The following CXXC4 variants were observed in gnomAD, a reference collection of about 807,000 sequenced individuals.
CXXC4 encodes the protein CXXC finger protein 4.
In CXXC4, 5 loss-of-function variants were observed where a neutral mutation model predicts 20.5. That is an observed-to-expected ratio of 0.24 (90% CI 0.13 to 0.51). The LOEUF (loss-of-function observed/expected upper bound fraction) is 0.51. CXXC4 is among the 20% of genes least tolerant of loss of function. The pLI, the probability that CXXC4 is intolerant of heterozygous loss-of-function variation, is 0.97. For missense variants in CXXC4, 419 were observed against 496.4 expected (o/e 0.84, Z 1.48); for synonymous variants, 250 against 216.4 (o/e 1.16, Z -1.36).
rs142783384 is a variant in CXXC4, at chr4:104,471,355, T to C, written c.*967A>G. 1.7e-3 allele frequency: 254 copies of C among 152,012 alleles called. 1 individual carries two copies. In the Middle Eastern group the frequency reaches 0.02, roughly 12 times the overall value. 9.4% of individuals were successfully genotyped at this position (152,012 alleles called of 1,614,324 possible). ...GAAACAATAAAACGTATACAGCCCA[T>C]ATTGGGCTGGGGAAAAAATGTCAGT... On this transcript the variant is annotated 3_prime_UTR_variant, in exon 3 of 3. Transcript: ENST00000394767.
chr4:104,481,625 G>C (rs1178445984), intron 2 of CXXC4, among the ~76,000 whole-genome samples: 2 of 152,014 alleles, frequency 1.3e-5, no homozygotes, highest in Admixed American at 1.3e-4. Context: ...ATTGTAAAAA[G>C]AGCAGGAATA....
At chr4:104,478,330 T>C (rs114418077) in intron 2 of CXXC4, among the ~76,000 whole-genome samples, 157 of 152,246 alleles carry the variant, frequency 1.0e-3, no homozygotes, top group Non-Finnish European at 1.9e-3. Context: ...TTATACATTA[T>C]GTTGTAAAGG....
rs1237303408 is a variant in CXXC4, at chr4:104,475,143, C to T, written c.1060-2777G>A. ...TGCATACATTGAGACCAGTATGCAT[C>T]CCCAGATGTAAGAATATGGACAGTT... On this transcript the variant is annotated intron_variant, in intron 2 of 2. Transcript: ENST00000394767. 10 of 152,164 alleles carry T rather than the reference C, an allele frequency of 6.6e-5. No homozygotes were observed. The South Asian group carries it at 1.0e-3, about 16-fold the overall frequency. 9.4% of individuals were successfully genotyped at this position (152,164 alleles called of 1,614,324 possible).
intron 2 of CXXC4, among the ~76,000 whole-genome samples, chr4:104,485,914 C>T (rs1213947059): frequency 2.0e-5 from 3 of 151,998 alleles, no homozygotes. Flanking sequence ...AGAAATACTT[C>T]AGTAATCAAT....
chr4:104,470,618 C>T lies in CXXC4; in HGVS notation c.*1704G>A, dbSNP rs1004584314. ...AATCTTTACAGCTTCTTTCATTGTACCATACCATTTCTCTTCTCAAATTAT... is the reference window on the plus strand; with the variant it reads ...AATCTTTACAGCTTCTTTCATTGTATCATACCATTTCTCTTCTCAAATTAT... On this transcript the variant is annotated 3_prime_UTR_variant, in exon 3 of 3. Coordinates refer to ENST00000394767, the MANE Select transcript of CXXC4 (RefSeq NM_025212.4). The T allele has an allele frequency of 6.6e-6, 1 of 151,984 alleles. No individual in the cohort carries two copies. The highest frequency in any genetic ancestry group is 2.4e-5 in the African/African-American group (1 of 41,404). The allele number at this position is 151,984 out of a possible 1,614,324, so 9.4% of individuals were successfully genotyped here. A position where few individuals can be genotyped will look rare whatever the true frequency, so the allele number is the denominator to read the frequency against.
chr4:104,469,691 C>T lies in CXXC4; in HGVS notation c.*2631G>A, dbSNP rs920104681. On this transcript the variant is annotated 3_prime_UTR_variant, in exon 3 of 3. Transcript: ENST00000394767. ...CTTTCTTCAACATCACCAATGAGAA[C>T]TTTATATGCATCCTACATTATATAA... is the stretch of plus-strand genomic sequence containing the variant. The T allele has an allele frequency of 6.6e-6, 1 of 151,876 alleles. No homozygotes were observed. Among genetic ancestry groups the T allele is most frequent in the East Asian group, 1.9e-4 (1 of 5,170 alleles). The allele number at this position is 151,876 out of a possible 1,614,324, so 9.4% of individuals were successfully genotyped here. A position where few individuals can be genotyped will look rare whatever the true frequency, so the allele number is the denominator to read the frequency against.
At position 104,491,137 on chromosome 4, in the gene CXXC4, A is replaced by G. The variant is rs775230784; in HGVS notation, c.666T>C (p.Ala222=). The G allele has an allele frequency of 1.2e-6, 2 of 1,613,960 alleles. No individual in the cohort carries two copies. Among genetic ancestry groups the G allele is most frequent in the South Asian group, 1.1e-5 (1 of 91,084 alleles). ...CGGGGAGATTCATTATCTCTGCTTC[A>G]GCAGCGCCGCATTTGAGCTTGTTCA... is the stretch of plus-strand genomic sequence containing the variant. ...ECMNKLKCGA[A]EAEIMNLPER... is the part of the protein sequence containing the mutation. Residue 222 remains alanine (A), a synonymous_variant, in exon 2 of 3, where the codon GCT becomes GCC. Transcript: ENST00000394767.
intron 1 of CXXC4, 39 bp downstream of exon 1, chr4:104,494,662 G>T (rs958356657): frequency 6.9e-6 from 1 of 145,978 alleles, no homozygotes; most frequent in Non-Finnish European, 1.5e-5. Flanking sequence ...AACTGTTGGG[G>T]GGGGGGGGGT....
chr4:104,472,172 C>T lies in CXXC4; in HGVS notation c.*150G>A, dbSNP rs1479582856. 1.4e-5 allele frequency: 5 copies of T among 368,194 alleles called. No individual in the cohort carries two copies. Among genetic ancestry groups the T allele is most frequent in the African/African-American group, 4.6e-5 (2 of 43,386 alleles). 22.8% of individuals were successfully genotyped at this position (368,194 alleles called of 1,614,324 possible). On this transcript the variant is annotated 3_prime_UTR_variant, in exon 3 of 3. Coordinates refer to ENST00000394767, the MANE Select transcript of CXXC4 (RefSeq NM_025212.4). Reference sequence around the variant, plus strand: ...TTATGTCTTTTTCTTTTCTTTTCCTCTTTTTTTTTTTTTTTGAAGAAAGCC... The same window carrying T: ...TTATGTCTTTTTCTTTTCTTTTCCTTTTTTTTTTTTTTTTTGAAGAAAGCC...
Position 104,491,196 on chromosome 4 carries a change from G to T in CXXC4, c.607C>A (p.Pro203Thr), listed in dbSNP as rs199865231. The change falls in exon 2 of 3, where the codon CCT (proline) becomes ACT (threonine). Residue 203 changes from proline (P) to threonine (T), a missense_variant. Pro to Thr is a conservative substitution (Grantham distance 38). Transcript: ENST00000394767. ...ANTNFLSTLS[P>T]EHCRPLAGEC... Reference sequence around the variant, plus strand: ...CCCGCCAAAGGTCTGCAGTGTTCAGGGGATAAGGTGGAGAGGAAATTAGTA... The same window carrying T: ...CCCGCCAAAGGTCTGCAGTGTTCAGTGGATAAGGTGGAGAGGAAATTAGTA... 6.2e-7 allele frequency: 1 copy of T among 1,613,658 alleles called. No homozygotes were observed. The highest frequency in any genetic ancestry group is 8.5e-7 in the Non-Finnish European group (1 of 1,179,990).
At chr4:104,482,003 C>G (rs1578318705) in intron 2 of CXXC4, among the ~76,000 whole-genome samples, 1 of 152,182 alleles carries the variant, frequency 6.6e-6, no homozygotes, top group African/African-American at 2.4e-5. Context: ...TCAAATTTGA[C>G]TGCAACTAAA....
chr4:104,492,266 C>T (rs1736912928), intron 1 of CXXC4, among the ~76,000 whole-genome samples: 1 of 145,818 alleles, frequency 6.9e-6, no homozygotes, highest in Non-Finnish European at 1.5e-5. Flanking sequence ...CAGCAAACCA[C>T]AGCTCCTCCC....
At position 104,492,025 on chromosome 4, in the gene CXXC4, G is replaced by A. The variant is rs1736900835; in HGVS notation, c.-223C>T. On this transcript the variant is annotated 5_prime_UTR_variant, in exon 2 of 3. Transcript: ENST00000394767. ...TCCACAGACGGTGAATTCCCAGGCA[G>A]CGTCTTCCTTTGCATTATCCTCCAA... 5.2e-6 allele frequency: 2 copies of A among 387,462 alleles called. No individual in the cohort carries two copies. Among genetic ancestry groups the A allele is most frequent in the Non-Finnish European group, 9.1e-6 (2 of 218,682 alleles). 24.0% of individuals were successfully genotyped at this position (387,462 alleles called of 1,614,324 possible).
At position 104,491,247 on chromosome 4, in the gene CXXC4, G is replaced by C; in HGVS notation, c.556C>G (p.Pro186Ala). Residue 186 changes from proline (P) to alanine (A), a missense_variant, in exon 2 of 3, where the codon CCA becomes GCA. Coordinates refer to ENST00000394767, the MANE Select transcript of CXXC4 (RefSeq NM_025212.4). ...SQRLGKAGCP[P>A]EPSLQMANTN... The stretch of plus-strand genomic sequence containing the variant: ...TTTGCCATTTGCAACGACGGCTCTG[G>C]CGGGCAGCCAGCTTTCCCCAGCCTC... 1.2e-6 allele frequency: 2 copies of C among 1,612,818 alleles called. No homozygotes were observed. Among genetic ancestry groups the C allele is most frequent in the Non-Finnish European group, 1.7e-6 (2 of 1,179,828 alleles).
intron 2 of CXXC4, among the ~76,000 whole-genome samples, chr4:104,481,644 T>C (rs1182282145): frequency 6.6e-6 from 1 of 152,026 alleles, no homozygotes; most frequent in Non-Finnish European, 1.5e-5. Flanking sequence ...TAAAGAACAT[T>C]TAGGGTTCTT....
At position 104,491,852 on chromosome 4, in the gene CXXC4, T is replaced by C. The variant is rs1487238371; in HGVS notation, c.-50A>G. ...CAGGGTGGAAGTGGGGACCGCCTGG[T>C]CCGACACCTGGGTGGAAAAGGGGGA... On this transcript the variant is annotated 5_prime_UTR_variant, in exon 2 of 3. Transcript: ENST00000394767. 17 of 727,580 alleles carry C rather than the reference T, an allele frequency of 2.3e-5. No homozygotes were observed. Among genetic ancestry groups the C allele is most frequent in the Non-Finnish European group, 2.8e-5 (17 of 608,162 alleles). 45.1% of individuals were successfully genotyped at this position (727,580 alleles called of 1,614,324 possible).
In CXXC4 at chr4:104,491,239, C is replaced by T. The variant is rs1736843734; in HGVS notation, c.564G>A (p.Pro188=). The T allele has an allele frequency of 1.9e-6, 3 of 1,613,000 alleles. No homozygotes were observed. The highest frequency in any genetic ancestry group is 1.3e-5 in the African/African-American group (1 of 74,964). ...AATTAGTATTTGCCATTTGCAACGACGGCTCTGGCGGGCAGCCAGCTTTCC... is the reference window on the plus strand; with the variant it reads ...AATTAGTATTTGCCATTTGCAACGATGGCTCTGGCGGGCAGCCAGCTTTCC... ...RLGKAGCPPE[P]SLQMANTNFL... Residue 188 remains proline (P), a synonymous_variant, in exon 2 of 3, where the codon CCG becomes CCA. Transcript: ENST00000394767.
chr4:104,489,754 A>G (rs1276292640), intron 2 of CXXC4, among the ~76,000 whole-genome samples: 1 of 152,198 alleles, frequency 6.6e-6, no homozygotes, highest in East Asian at 1.9e-4. Context: ...AATTTTTATC[A>G]AAGGTATCAA....
chr4:104,481,413 A>G (rs1204432586), intron 2 of CXXC4, among the ~76,000 whole-genome samples: 1 of 152,040 alleles, frequency 6.6e-6, no homozygotes, highest in Non-Finnish European at 1.5e-5. Context: ...TATGCCTGTA[A>G]TTGCAGCTGC....
Sources: gnomAD v4.1 joint callset for allele counts (sites outside exome capture counted in the v4.1 genomes callset) on GRCh38, gnomAD v4.1.1 for gene constraint, MANE v1.5 for transcripts, NCBI Gene and HGNC (gene_info 2026-07-23, HGNC 2026-07-21) for gene names.